SLC25A23: variants seen among roughly 807,000 people sequenced by gnomAD.
SLC25A23 encodes the protein mitochondrial adenyl nucleotide antiporter SLC25A23.
A neutral mutation model predicts 53.9 loss-of-function variants in SLC25A23; 32 were observed. The observed-to-expected ratio is 0.59, with a 90% confidence interval of 0.45 to 0.80. The LOEUF is 0.80. SLC25A23 is among the 30% of genes least tolerant of loss of function. The pLI is 0.00. For synonymous variants in SLC25A23, 275 were observed against 264.5 expected (o/e 1.04, Z -0.38); for missense variants, 575 against 651.4 (o/e 0.88, Z 1.28).
At chr19:6,438,798 G>A (rs1183290954), downstream of SLC25A23, 9 of 334,252 alleles carry the variant, frequency 2.7e-5, no homozygotes, top group South Asian at 2.0e-4. Flanking sequence ...GCAGTGATCT[G>A]AAATCGAGCC....
intron 8 of SLC25A23, among the ~76,000 whole-genome samples, chr19:6,445,842 A>G (rs2092495440): frequency 6.6e-6 from 1 of 152,086 alleles, no homozygotes; most frequent in East Asian, 1.9e-4. Context: ...GTTTGAGCCC[A>G]GGAGCCTGAG....
chr19:6,446,232 A>G, intron 8 of SLC25A23, among the ~76,000 whole-genome samples: 1 of 151,920 alleles, frequency 6.6e-6, no homozygotes, highest in East Asian at 1.9e-4. Flanking sequence ...GTGTGGTGGC[A>G]GGCACCTGTA....
chr19:6,455,707 G>GTTTTTTTTTTTTT lies in SLC25A23; in HGVS notation c.483+700_483+712dup, dbSNP rs529957147. ...TCCCATTGGATCCTCTGAAGACCGT[G>GTTTTTTTTTTTTT]TTTTTTTTTTTTTTTTTTTTTTTTT... On this transcript the variant is annotated intron_variant, in intron 4 of 9. Transcript: ENST00000301454. 4.9e-4 allele frequency among the ~76,000 whole-genome samples: 61 copies of GTTTTTTTTTTTTT among 124,936 alleles called. 2 individuals are homozygous for GTTTTTTTTTTTTT. Among genetic ancestry groups the GTTTTTTTTTTTTT allele is most frequent in the African/African-American group, 1.8e-3 (59 of 32,622 alleles). The allele number at this position is 124,936 out of a possible 152,430, so 82.0% of individuals were successfully genotyped here.
downstream of SLC25A23, among the ~76,000 whole-genome samples, chr19:6,437,810 GA>G (rs1226306516): frequency 3.3e-4 from 37 of 112,352 alleles, no homozygotes; most frequent in Admixed American, 6.1e-4. Flanking sequence ...CTCCATCTCA[GA>G]AAAAAAAAAA....
At position 6,454,811 on chromosome 19, in the gene SLC25A23, G is replaced by A; in HGVS notation, c.484-94C>T. ...GGGGAGTCTCCTCTATGAATCCTAG[G>A]ATACCCTAGAGTCTGCCAATGACTC... On this transcript the variant is annotated intron_variant, in intron 4 of 9. Transcript: ENST00000301454. This position sits in a 1 kb window ranked among gnomAD's most constrained non-coding sequence, Gnocchi z 4.3. 6.9e-7 allele frequency: 1 copy of A among 1,456,982 alleles called. No homozygotes were observed. Among genetic ancestry groups the A allele is most frequent in the South Asian group, 1.3e-5 (1 of 77,868 alleles). 90.3% of individuals were successfully genotyped at this position (1,456,982 alleles called of 1,614,324 possible). A position where few individuals can be genotyped will look rare whatever the true frequency, so the allele number is the denominator to read the frequency against.
Position 6,459,657 on chromosome 19 carries a change from C to A in SLC25A23, c.-29G>T, listed in dbSNP as rs754150898. ...GCCCGCCCGGGGGGGAGGGGAGGCCCGGCAGCGGCGGCCTCAGTGGGGGCT... is the reference window on the plus strand; with the variant it reads ...GCCCGCCCGGGGGGGAGGGGAGGCCAGGCAGCGGCGGCCTCAGTGGGGGCT... On this transcript the variant is annotated 5_prime_UTR_variant, in exon 1 of 10. Coordinates refer to ENST00000301454, the MANE Select transcript of SLC25A23 (RefSeq NM_024103.3). The surrounding 1 kb of genome is among the most constrained non-coding windows in gnomAD (Gnocchi z 4.6). 2 of 1,329,518 alleles carry A rather than the reference C, an allele frequency of 1.5e-6. 1 individual carries two copies. The highest frequency in any genetic ancestry group is 4.2e-5 in the South Asian group (2 of 48,042). The allele number at this position is 1,329,518 out of a possible 1,614,324, so 82.4% of individuals were successfully genotyped here.
intron 7 of SLC25A23, 85 bp downstream of exon 7, chr19:6,453,896 T>G: frequency 1.4e-5 from 15 of 1,108,858 alleles, no homozygotes; most frequent in Non-Finnish European, 1.9e-5. Flanking sequence ...AAAATCCCAA[T>G]GGATATTGTG....
At position 6,459,075 on chromosome 19, in the gene SLC25A23, G is replaced by A. The variant is rs1171352256; in HGVS notation, c.156+398C>T. Among the ~76,000 whole-genome samples, 1 of 152,242 alleles carries A rather than the reference G, an allele frequency of 6.6e-6. No homozygotes were observed. Among genetic ancestry groups the A allele is most frequent in the Non-Finnish European group, 1.5e-5 (1 of 68,030 alleles). On this transcript the variant is annotated intron_variant, in intron 1 of 9. Coordinates refer to ENST00000301454, the MANE Select transcript of SLC25A23 (RefSeq NM_024103.3). The surrounding 1 kb of genome is among the most constrained non-coding windows in gnomAD (Gnocchi z 4.6). Reference sequence around the variant, plus strand: ...CAGGGAATGTAAACACAGGGATCGGGGCAGCTGCAGGCCAGGGCAGTAGGT... The same window carrying A: ...CAGGGAATGTAAACACAGGGATCGGAGCAGCTGCAGGCCAGGGCAGTAGGT...
Position 6,441,958 on chromosome 19 carries a change from G to T in SLC25A23, c.*17C>A, listed in dbSNP as rs7257974. The T allele has an allele frequency of 5.6e-6, 9 of 1,611,320 alleles. No homozygotes were observed. Among genetic ancestry groups the T allele is most frequent in the East Asian group, 2.2e-5 (1 of 44,860 alleles). On this transcript the variant is annotated 3_prime_UTR_variant, in exon 10 of 10. Coordinates refer to ENST00000301454, the MANE Select transcript of SLC25A23 (RefSeq NM_024103.3). ...GGTGTGGGGGGTGAGGGATTGGGGG[G>T]ACGGGCTCCGGGTCCCTCACCTGGA...
chr19:6,444,516 T>C (rs2092475171), intron 8 of SLC25A23, among the ~76,000 whole-genome samples: 1 of 152,160 alleles, frequency 6.6e-6, no homozygotes, highest in Non-Finnish European at 1.5e-5. Flanking sequence ...CTGTACTGAC[T>C]ATGCCCTAAT....
downstream of SLC25A23, chr19:6,436,497 GA>G: frequency 2.9e-6 from 1 of 350,146 alleles, no homozygotes; most frequent in Non-Finnish European, 5.8e-6. Flanking sequence ...GAGAAAGGGG[GA>G]GAGAGAGAGA....
intron 8 of SLC25A23, among the ~76,000 whole-genome samples, chr19:6,451,546 A>G (rs1313383658): frequency 1.3e-5 from 2 of 152,178 alleles, no homozygotes; most frequent in Non-Finnish European, 2.9e-5. Context: ...TTTGGGGGGA[A>G]CGCTTGGGGA....
chr19:6,453,942 C>T (rs372718581), intron 7 of SLC25A23, 39 bp downstream of exon 7: 3 of 1,526,844 alleles, frequency 2.0e-6, no homozygotes, highest in East Asian at 4.5e-5. Flanking sequence ...AGGCCCCCCA[C>T]CCTGCCATGG....
intron 8 of SLC25A23, among the ~76,000 whole-genome samples, chr19:6,446,758 T>TG (rs2092510993): frequency 6.6e-6 from 1 of 152,108 alleles, no homozygotes; most frequent in East Asian, 1.9e-4. Context: ...GTCCCTCCTT[T>TG]GGGGGGGAAC....
intron 8 of SLC25A23, among the ~76,000 whole-genome samples, chr19:6,448,204 T>C (rs1188915899): frequency 6.6e-6 from 1 of 152,198 alleles, no homozygotes; most frequent in Admixed American, 6.5e-5. Flanking sequence ...CCTATGCCAA[T>C]TCTAATCCAC....
At position 6,459,497 on chromosome 19, in the gene SLC25A23, G is replaced by GC; in HGVS notation, c.131dup (p.Asn45GlnfsTer13). 6.3e-7 allele frequency: 1 copy of GC among 1,593,348 alleles called. No individual in the cohort carries two copies. On this transcript the variant is annotated frameshift_variant, in exon 1 of 10. Transcript: ENST00000301454. LOFTEE classifies it high-confidence loss of function. This position sits in a 1 kb window ranked among gnomAD's most constrained non-coding sequence, Gnocchi z 4.6. ...CCTGTTGGGCGCCGGGGTCTGGGTT[G>GC]CCCCCGCCCAGCCTGGCCAGCCCCT... is the stretch of plus-strand genomic sequence containing the variant.
chr19:6,449,946 G>A (rs866942602), intron 8 of SLC25A23, among the ~76,000 whole-genome samples: 2 of 133,732 alleles, frequency 1.5e-5, no homozygotes, highest in East Asian at 4.9e-4. Context: ...CCCATGCCCC[G>A]CCCTGGGTTC....
chr19:6,459,290 G>C lies in SLC25A23; in HGVS notation c.156+183C>G, dbSNP rs1252843173. ...GGAACTGCAGGCTTGGGGCCTCGGC[G>C]TCCCTGTCTTGAGCGATCCCGTTAG... On this transcript the variant is annotated intron_variant, in intron 1 of 9. Transcript: ENST00000301454. This position sits in a 1 kb window ranked among gnomAD's most constrained non-coding sequence, Gnocchi z 4.6. Among the ~76,000 whole-genome samples the C allele has an allele frequency of 3.3e-5, 5 of 152,138 alleles. No individual in the cohort carries two copies. Among genetic ancestry groups the C allele is most frequent in the Non-Finnish European group, 7.4e-5 (5 of 67,996 alleles).
intron 9 of SLC25A23, among the ~76,000 whole-genome samples, chr19:6,443,131 AT>A (rs1349212160): frequency 1.4e-5 from 2 of 144,744 alleles, no homozygotes; most frequent in African/African-American, 5.2e-5. Context: ...TAGAGACAGG[AT>A]TTAGCCATGT....
Sources: gnomAD v4.1 joint callset for allele counts (sites outside exome capture counted in the v4.1 genomes callset) on GRCh38, gnomAD v4.1.1 for gene constraint, Gnocchi (gnomAD v3.1) non-coding constraint, MANE v1.5 for transcripts, NCBI Gene and HGNC (gene_info 2026-07-23, HGNC 2026-07-21) for gene names.